The following COG3 variants were observed in gnomAD, a reference collection of about 807,000 sequenced individuals.
COG3 encodes the protein component of oligomeric golgi complex 3.
COG3 carries 32 observed loss-of-function variants against 114.1 expected under a neutral mutation model. The ratio of observed to expected loss-of-function variants is 0.28; its 90% CI spans 0.21 to 0.38. COG3 has a LOEUF of 0.38. COG3 is among the 10% of genes least tolerant of loss of function. The pLI, the probability that COG3 is intolerant of heterozygous loss-of-function variation, is 1.00. For synonymous variants in COG3, 352 were observed against 365.7 expected, an observed-to-expected ratio of 0.96 and a Z score of 0.43; for missense variants, 813 against 973.2, an observed-to-expected ratio of 0.84 and a Z score of 2.19.
intron 5 of COG3, 143 bp downstream of exon 5, chr13:45,481,447 C>T (rs760720588): frequency 3.9e-5 from 23 of 592,846 alleles, no homozygotes; most frequent in Non-Finnish European, 5.8e-5. Flanking sequence ...TATTTGTAGA[C>T]AGTGGAGATA....
chr13:45,515,588 C>T (rs1294872620), intron 16 of COG3, among the ~76,000 whole-genome samples: 1 of 152,166 alleles, frequency 6.6e-6, no homozygotes, highest in Non-Finnish European at 1.5e-5. Flanking sequence ...GAAGGACATG[C>T]TGGACCTTCA....
In COG3 at chr13:45,532,576, T is replaced by G. The variant is rs370051534; in HGVS notation, c.2457+1796T>G. 1.1e-4 allele frequency among the ~76,000 whole-genome samples: 11 copies of G among 100,402 alleles called. No individual in the cohort carries two copies. In the South Asian group the frequency reaches 1.4e-3, roughly 13 times the overall value. The allele number at this position is 100,402 out of a possible 152,430, so 65.9% of individuals were successfully genotyped here. ...CCTTCCATTGTTTTTTTTTTTTTTT[T>G]TTTTTTTTTTTGAGTTGGAGTCTCG... On this transcript the variant is annotated intron_variant, in intron 22 of 22. Transcript: ENST00000349995.
In COG3 at chr13:45,464,959, T is replaced by A; in HGVS notation, c.-78T>A. 6.7e-7 allele frequency: 1 copy of A among 1,482,276 alleles called. No homozygotes were observed. The highest frequency in any genetic ancestry group is 8.9e-7 in the Non-Finnish European group (1 of 1,122,056). The allele number at this position is 1,482,276 out of a possible 1,614,324, so 91.8% of individuals were successfully genotyped here. A position where few individuals can be genotyped will look rare whatever the true frequency, so the allele number is the denominator to read the frequency against. Reference sequence around the variant, plus strand: ...CCGGTGCAGTGTTGGAAGCTCCGGTTCTCCCGGAAGTGGCCCAGGTCTCTC... The same window carrying A: ...CCGGTGCAGTGTTGGAAGCTCCGGTACTCCCGGAAGTGGCCCAGGTCTCTC... On this transcript the variant is annotated 5_prime_UTR_variant, in exon 1 of 23. Coordinates refer to ENST00000349995, the MANE Select transcript of COG3 (RefSeq NM_031431.4).
At position 45,496,342 on chromosome 13, in the gene COG3, GC is replaced by G. The variant is rs754700357; in HGVS notation, c.1488+35del. The G allele has an allele frequency of 3.4e-6, 5 of 1,467,162 alleles. No individual in the cohort carries two copies. The South Asian group carries it at 7.6e-5, about 22-fold the overall frequency. 90.9% of individuals were successfully genotyped at this position (1,467,162 alleles called of 1,614,324 possible). On this transcript the variant is annotated intron_variant, in intron 13 of 22. Transcript: ENST00000349995. ...GATCTCCTTACTTGATCTCCCGTCTGCCCCCACACAGCTTTTAGATGTTTTA... is the reference window on the plus strand; with the variant it reads ...GATCTCCTTACTTGATCTCCCGTCTGCCCCACACAGCTTTTAGATGTTTTA...
Position 45,477,631 on chromosome 13 carries a change from C to CTTT in COG3, c.321+1296_321+1298dup, listed in dbSNP as rs11408688. On this transcript the variant is annotated intron_variant, in intron 2 of 22. Coordinates refer to ENST00000349995, the MANE Select transcript of COG3 (RefSeq NM_031431.4). ...TAGCTGATACCAGAGTCCATATTCT[C>CTTT]TTTTTTTTTTTTTTGAGATGGAGTC... 1.3e-3 allele frequency among the ~76,000 whole-genome samples: 188 copies of CTTT among 143,022 alleles called. 1 individual carries two copies. The highest frequency in any genetic ancestry group is 4.7e-3 in the African/African-American group (182 of 38,822). 93.8% of individuals were successfully genotyped at this position (143,022 alleles called of 152,430 possible).
intron 2 of COG3, among the ~76,000 whole-genome samples, chr13:45,478,009 A>G (rs1201501568): frequency 6.6e-6 from 1 of 152,152 alleles, no homozygotes; most frequent in Non-Finnish European, 1.5e-5. Context: ...GTTAATATTG[A>G]TATTTGCCCA....
rs1239819072 is a variant in COG3, at chr13:45,491,086, T to C, written c.968+128T>C. 7 of 650,696 alleles carry C rather than the reference T, an allele frequency of 1.1e-5. No homozygotes were observed. In the East Asian group the frequency reaches 1.4e-4, roughly 13 times the overall value. 40.3% of individuals were successfully genotyped at this position (650,696 alleles called of 1,614,324 possible). A position where few individuals can be genotyped will look rare whatever the true frequency, so the allele number is the denominator to read the frequency against. On this transcript the variant is annotated intron_variant, in intron 9 of 22. Coordinates refer to ENST00000349995, the MANE Select transcript of COG3 (RefSeq NM_031431.4). ...GCTTGTTCTTGTAACATACCACTTA[T>C]TTTGGGGAGCAAGGTCACAGACTTA...
chr13:45,515,999 G>A lies in COG3; in HGVS notation c.1810-144G>A, dbSNP rs1593738853. On this transcript the variant is annotated intron_variant, in intron 16 of 22. Coordinates refer to ENST00000349995, the MANE Select transcript of COG3 (RefSeq NM_031431.4). ...ATTTTTTAACTTAATTCTAGCATGG[G>A]GAGAGTTCATTGCACAACTAAAGAG... The A allele has an allele frequency of 1.2e-5, 6 of 501,970 alleles. No homozygotes were observed. The East Asian group carries it at 2.1e-4, about 17-fold the overall frequency. 31.1% of individuals were successfully genotyped at this position (501,970 alleles called of 1,614,324 possible).
In COG3 at chr13:45,516,276, C is replaced by T. The variant is rs1377389339; in HGVS notation, c.1930+13C>T. 6.4e-7 allele frequency: 1 copy of T among 1,569,288 alleles called. No homozygotes were observed. Among genetic ancestry groups the T allele is most frequent in the Non-Finnish European group, 8.7e-7 (1 of 1,151,452 alleles). On this transcript the variant is annotated intron_variant, in intron 17 of 22. Transcript: ENST00000349995. ...AAGAAAACTAGAGGTACTTTGCTGT[C>T]CTGGCTGGCACACTTGGGTGTGTTT...
chr13:45,471,247 A>G (rs1885458856), intron 1 of COG3, among the ~76,000 whole-genome samples: 1 of 151,980 alleles, frequency 6.6e-6, no homozygotes, highest in African/African-American at 2.4e-5. Flanking sequence ...CTACAGAAAA[A>G]AAAAAGAAAA....
At chr13:45,485,073 A>G (rs1241221172) in intron 7 of COG3, among the ~76,000 whole-genome samples, 1 of 132,820 alleles carries the variant, frequency 7.5e-6, no homozygotes, top group Non-Finnish European at 1.6e-5. Context: ...TATTCCACAA[A>G]GCTGCCATTG....
intron 15 of COG3, among the ~76,000 whole-genome samples, chr13:45,510,440 G>A (rs1217089409): frequency 1.3e-5 from 2 of 152,218 alleles, no homozygotes; most frequent in East Asian, 3.8e-4. Context: ...CTCTTCCAGA[G>A]AGAGGTTTGG....
Position 45,475,264 on chromosome 13 carries a change from C to T in COG3, c.175-937C>T, listed in dbSNP as rs556722368. Among the ~76,000 whole-genome samples the T allele has an allele frequency of 1.3e-3, 198 of 152,082 alleles. 1 individual carries two copies. The highest frequency in any genetic ancestry group is 2.4e-3 in the Non-Finnish European group (161 of 67,992). The stretch of plus-strand genomic sequence containing the variant: ...TGTCACCCTGGGTGGGTGGCACGAC[C>T]TTGACTCACTGCAACCTCCACCTCC... On this transcript the variant is annotated intron_variant, in intron 1 of 22. Transcript: ENST00000349995.
chr13:45,478,392 G>T (rs1293549442), intron 2 of COG3, among the ~76,000 whole-genome samples: 11 of 151,660 alleles, frequency 7.3e-5, no homozygotes, highest in Non-Finnish European at 1.5e-4. Context: ...TGTTAGCCAG[G>T]ATGGTCTCTA....
rs146833396 is a variant in COG3, at chr13:45,470,644, T to C, written c.174+5434T>C. Among the ~76,000 whole-genome samples, 38 of 152,378 alleles carry C rather than the reference T, an allele frequency of 2.5e-4. No individual in the cohort carries two copies. The East Asian group carries it at 4.4e-3, about 18-fold the overall frequency. ...TCAATGGTAACATTTTGCACAACTA[T>C]AGTATCTGGTGTCACAACTGGGATT... On this transcript the variant is annotated intron_variant, in intron 1 of 22. Coordinates refer to ENST00000349995, the MANE Select transcript of COG3 (RefSeq NM_031431.4).
chr13:45,478,855 A>G (rs1886076937), intron 2 of COG3, 150 bp from the exon 3 acceptor site: 4 of 634,850 alleles, frequency 6.3e-6, no homozygotes, highest in Admixed American at 3.2e-5. Context: ...TAATTAAACT[A>G]TTTTCTCCTG....
intron 22 of COG3, chr13:45,531,096 A>T (rs1373456606): frequency 1.0e-6 from 1 of 989,874 alleles, no homozygotes; most frequent in Non-Finnish European, 1.2e-6. Context: ...TTTTGTTTGA[A>T]ATATGCATAA....
At position 45,509,126 on chromosome 13, in the gene COG3, G is replaced by A. The variant is rs1313672532; in HGVS notation, c.1595-566G>A. ...GAGATCTTGGCTCACTGTAACCTCC[G>A]GCTCCCAGGTTCAAGCGATTTTCCT... On this transcript the variant is annotated intron_variant, in intron 14 of 22. Coordinates refer to ENST00000349995, the MANE Select transcript of COG3 (RefSeq NM_031431.4). Among the ~76,000 whole-genome samples the A allele has an allele frequency of 2.6e-5, 4 of 151,200 alleles. No individual in the cohort carries two copies. The East Asian group carries it at 5.8e-4, about 22-fold the overall frequency.
At chr13:45,471,251 A>AG (rs1277908911) in intron 1 of COG3, among the ~76,000 whole-genome samples, 2 of 151,954 alleles carry the variant, frequency 1.3e-5, no homozygotes, top group Non-Finnish European at 2.9e-5. Flanking sequence ...AGAAAAAAAA[A>AG]AGAAAAAAAA....
Sources: allele counts gnomAD v4.1 joint callset (sites outside exome capture counted in the v4.1 genomes callset), GRCh38; gene constraint gnomAD v4.1.1; transcripts MANE v1.5; gene names NCBI Gene and HGNC (gene_info 2026-07-23, HGNC 2026-07-21).